Variants in STK32C observed in about 807,000 individuals in gnomAD.
STK32C encodes serine/threonine kinase 32C, also known as serine/threonine-protein kinase 32C.
Under a neutral mutation model 56.5 loss-of-function variants are expected in STK32C, and 31 were observed. The observed-to-expected ratio is 0.55, with a 90% CI of 0.41 to 0.74. The LOEUF (loss-of-function observed/expected upper bound fraction) is 0.74, where lower values mean the gene tolerates loss of function less well. STK32C is among the 30% of genes least tolerant of loss of function. The probability of loss-of-function intolerance (pLI) is 0.00; values close to 1 mark genes in which losing one functional copy is unlikely to be tolerated. For missense variants in STK32C, 544 were observed against 676.9 expected, an observed-to-expected ratio of 0.80 and a Z score of 2.18; for synonymous variants, 309 against 289.4, an observed-to-expected ratio of 1.07 and a Z score of -0.69.
rs764448871 is a variant in STK32C at position 132,225,211 on chromosome 10, A to AG, written c.876+21dup. ...GAGCAGGGGCCTGGCAGCCAAGCCC[A>AG]GGGGCTGCAGGGGGTCCATACCCAT... On this transcript the variant is annotated intron_variant, in intron 7 of 11. Transcript: ENST00000298630. 2.7e-5 allele frequency: 43 copies of AG among 1,573,662 alleles called. 1 individual carries two copies. The East Asian group carries it at 6.6e-4, about 24-fold the overall frequency.
Position 132,330,627 on chromosome 10 carries a change from C to T in STK32C, c.301+809G>A, listed in dbSNP as rs2066650789. ...GGTTCAAGCGATCCTCTTGCCTCAC[C>T]CTCCCACACAGCTGGAACTACAGGT... On this transcript the variant is annotated intron_variant, in intron 1 of 1. Coordinates refer to the STK32C transcript ENST00000368619. The T allele has an allele frequency of 7.4e-6, 5 of 676,078 alleles. No individual in the cohort carries two copies. The East Asian group carries it at 8.2e-5, about 11-fold the overall frequency. 41.9% of individuals were successfully genotyped at this position (676,078 alleles called of 1,614,324 possible). A position where few individuals can be genotyped will look rare whatever the true frequency, so the allele number is the denominator to read the frequency against.
chr10:132,276,700 T>A (rs60182469), intron 1 of STK32C, among the ~76,000 whole-genome samples: 1 of 151,878 alleles, frequency 6.6e-6, no homozygotes, highest in South Asian at 2.1e-4. Flanking sequence ...GGCGGGAGGA[T>A]TGCTTGAGCC....
At chr10:132,241,310 G>A (rs1489940414) in intron 2 of STK32C, among the ~76,000 whole-genome samples, 1 of 152,232 alleles carries the variant, frequency 6.6e-6, no homozygotes, top group Admixed American at 6.5e-5. Context: ...GCAGGGCTCA[G>A]GGCCAGGCAG....
At chr10:132,254,491 G>T (rs1248593968) in intron 1 of STK32C, among the ~76,000 whole-genome samples, 1 of 146,016 alleles carries the variant, frequency 6.8e-6, no homozygotes, top group Non-Finnish European at 1.5e-5. Flanking sequence ...CTCCACGAAG[G>T]CTGCCCCCAG....
chr10:132,260,799 C>T (rs2064277770), intron 1 of STK32C, among the ~76,000 whole-genome samples: 1 of 152,232 alleles, frequency 6.6e-6, no homozygotes, highest in South Asian at 2.1e-4. Context: ...AGACAGGGCC[C>T]AGTTAAAGCC....
At chr10:132,245,577 C>A (rs1411360282) in intron 2 of STK32C, among the ~76,000 whole-genome samples, 1 of 152,260 alleles carries the variant, frequency 6.6e-6, no homozygotes, top group Non-Finnish European at 1.5e-5. Flanking sequence ...TCCGTCCTGT[C>A]CCCTGTAGGT....
rs1013373874 is a variant in STK32C at position 132,233,502 on chromosome 10, T to C, written c.319-5374A>G. On this transcript the variant is annotated intron_variant, in intron 2 of 11. Transcript: ENST00000298630. The stretch of plus-strand genomic sequence containing the variant: ...TGCCTAGTGGCTGCTTCCTAGGCCA[T>C]GGCTGGTGAAGTTAAGACGCCTCAC... 2.0e-5 allele frequency among the ~76,000 whole-genome samples: 3 copies of C among 152,326 alleles called. No individual in the cohort carries two copies. In the East Asian group the frequency reaches 5.8e-4, roughly 29 times the overall value.
Position 132,224,542 on chromosome 10 carries a change from T to C in STK32C, c.877-19A>G. ...AGGGCCTCTGGAGACAGGGAGGCAG[T>C]GCTGGGCAGGTCCTCCTGGCCCCCA... On this transcript the variant is annotated intron_variant, in intron 7 of 11. Transcript: ENST00000298630. The C allele has an allele frequency of 1.3e-6, 2 of 1,576,366 alleles. No individual in the cohort carries two copies. Among genetic ancestry groups the C allele is most frequent in the South Asian group, 1.2e-5 (1 of 86,640 alleles).
At chr10:132,235,110 GTGAC>G (rs1377861568) in intron 2 of STK32C, among the ~76,000 whole-genome samples, 3 of 152,162 alleles carry the variant, frequency 2.0e-5, no homozygotes, top group Admixed American at 2.0e-4. Context: ...TGTGAGCTGT[GTGAC>G]TGGTATGAAC....
At chr10:132,313,220 C>A (rs2066252913) in intron 1 of STK32C, among the ~76,000 whole-genome samples, 1 of 152,110 alleles carries the variant, frequency 6.6e-6, no homozygotes, top group Non-Finnish European at 1.5e-5. Flanking sequence ...CAATAAGATA[C>A]CAAATTATAA....
chr10:132,228,572 A>G (rs1467603039), intron 2 of STK32C, among the ~76,000 whole-genome samples: 2 of 152,242 alleles, frequency 1.3e-5, no homozygotes, highest in Non-Finnish European at 2.9e-5. Context: ...GGAGCCAAGC[A>G]GTGGCTGGTT....
intron 1 of STK32C, 51 bp from the exon 2 acceptor site, chr10:132,246,006 C>A (rs368079804): frequency 6.4e-7 from 1 of 1,556,392 alleles, no homozygotes. Flanking sequence ...AAGGCCCCAC[C>A]CCAGAGCAGC....
chr10:132,264,265 G>A (rs919928532), intron 1 of STK32C, among the ~76,000 whole-genome samples: 1 of 152,234 alleles, frequency 6.6e-6, no homozygotes, highest in Non-Finnish European at 1.5e-5. Context: ...CAATTAACAA[G>A]ATAATTATTT....
chr10:132,225,173 T>C, intron 7 of STK32C, 60 bp downstream of exon 7: 1 of 1,410,714 alleles, frequency 7.1e-7, no homozygotes, highest in Non-Finnish European at 9.6e-7. Context: ...TCCCCAGCAC[T>C]GGTGGGGGCA....
At chr10:132,304,007 C>G (rs2065984885) in intron 1 of STK32C, among the ~76,000 whole-genome samples, 2 of 152,182 alleles carry the variant, frequency 1.3e-5, no homozygotes, top group Non-Finnish European at 1.5e-5. Context: ...AAACAATGCT[C>G]AGAGAGGGAC....
chr10:132,331,378 C>G (rs910678048), intron 1 of STK32C: 13 of 1,532,304 alleles, frequency 8.5e-6, no homozygotes, highest in African/African-American at 2.7e-5. Context: ...CCTCCCCTCC[C>G]GCCCGGTGTC....
intron 1 of STK32C, among the ~76,000 whole-genome samples, chr10:132,250,152 G>A (rs1296656807): frequency 6.6e-6 from 1 of 152,276 alleles, no homozygotes; most frequent in Non-Finnish European, 1.5e-5. Flanking sequence ...TCCGCACCGG[G>A]GGAGGGAAGG....
Position 132,282,161 on chromosome 10 carries a change from G to A in STK32C, c.262+25411C>T, listed in dbSNP as rs990496817. 4.9e-4 allele frequency among the ~76,000 whole-genome samples: 75 copies of A among 152,294 alleles called. 1 individual carries two copies. The highest frequency in any genetic ancestry group is 1.7e-3 in the African/African-American group (72 of 41,556). ...CAGCCACGCTACACTTGGGAAGAGC[G>A]GATGTGCTGAAAATGCCCAGTGCAG... is the stretch of plus-strand genomic sequence containing the variant. On this transcript the variant is annotated intron_variant, in intron 1 of 11. Coordinates refer to ENST00000298630, the MANE Select transcript of STK32C (RefSeq NM_173575.4).
intron 1 of STK32C, chr10:132,330,290 ATGGT>A: frequency 1.6e-6 from 1 of 609,266 alleles, no homozygotes; most frequent in Non-Finnish European, 3.0e-6. Context: ...ATACGCTCAA[ATGGT>A]TAGTAAATGT....
Sources: allele counts gnomAD v4.1 joint callset (sites outside exome capture counted in the v4.1 genomes callset), GRCh38; gene constraint gnomAD v4.1.1; transcripts MANE v1.5; gene names NCBI Gene and HGNC (gene_info 2026-07-23, HGNC 2026-07-21).